ERG: variants seen among roughly 807,000 people sequenced by gnomAD.
ERG encodes the protein ETS transcription factor ERG.
ERG carries 9 observed loss-of-function variants against 55.3 expected under a neutral mutation model. The ratio of observed to expected loss-of-function variants is 0.16; its 90% CI spans 0.10 to 0.28. The LOEUF is 0.28. Among genes scored for constraint, ERG ranks in the 10% least tolerant of loss-of-function variants. The pLI is 1.00. For synonymous variants in ERG, 223 were observed against 237.3 expected, an observed-to-expected ratio of 0.94 and a Z score of 0.55; for missense variants, 434 against 631.6, an observed-to-expected ratio of 0.69 and a Z score of 3.35.
intron 2 of ERG, among the ~76,000 whole-genome samples, chr21:38,426,280 T>A (rs1164802005): frequency 6.6e-6 from 1 of 152,238 alleles, no homozygotes; most frequent in African/African-American, 2.4e-5. Context: ...AAAAGACCCA[T>A]CCTAATATGA....
chr21:38,470,354 A>T (rs1439897681), intron 1 of ERG, among the ~76,000 whole-genome samples: 11 of 152,222 alleles, frequency 7.2e-5, no homozygotes, highest in Non-Finnish European at 1.5e-4. Context: ...GAAGGTGATG[A>T]ATAAACGGCA....
chr21:38,383,096 C>T lies in ERG; in HGVS notation c.*307G>A. On this transcript the variant is annotated 3_prime_UTR_variant, in exon 10 of 10. Transcript: ENST00000288319. This position sits in a 1 kb window ranked among gnomAD's most constrained non-coding sequence, Gnocchi z 5.7. ...ACTCTACTCTAAAGTTTATACATTT[C>T]TTAAGACCACTTTCTTTGGCACTTT... 2 of 1,134,798 alleles carry T rather than the reference C, an allele frequency of 1.8e-6. No individual in the cohort carries two copies. The highest frequency in any genetic ancestry group is 4.3e-5 in the South Asian group (1 of 23,154). The allele number at this position is 1,134,798 out of a possible 1,614,324, so 70.3% of individuals were successfully genotyped here. A position where few individuals can be genotyped will look rare whatever the true frequency, so the allele number is the denominator to read the frequency against.
chr21:38,545,242 C>T (rs2059780669), intron 2 of ERG, among the ~76,000 whole-genome samples: 1 of 152,112 alleles, frequency 6.6e-6, no homozygotes, highest in Middle Eastern at 3.2e-3. Flanking sequence ...TTTCTATATA[C>T]TTTTTTAGAG....
chr21:38,394,166 TTAAC>T (rs1341005679), intron 6 of ERG, among the ~76,000 whole-genome samples: 2 of 152,056 alleles, frequency 1.3e-5, no homozygotes, highest in African/African-American at 2.4e-5. Flanking sequence ...GAAAAGCACA[TTAAC>T]TAAGGCCTTC....
intron 1 of ERG, chr21:38,451,093 T>C: frequency 2.2e-6 from 1 of 454,834 alleles, no homozygotes; most frequent in Non-Finnish European, 4.4e-6. Flanking sequence ...GTGCCTGCTC[T>C]TGCCATGAGA....
chr21:38,390,481 A>G (rs1309498103), intron 9 of ERG, among the ~76,000 whole-genome samples: 1 of 152,196 alleles, frequency 6.6e-6, no homozygotes, highest in Non-Finnish European at 1.5e-5. Context: ...AGTTATAGTA[A>G]GGTTATGGGG....
intron 3 of ERG, among the ~76,000 whole-genome samples, chr21:38,422,589 T>A (rs1209117337): frequency 1.3e-5 from 2 of 152,252 alleles, no homozygotes; most frequent in Non-Finnish European, 2.9e-5. Context: ...GTTGCTGTTG[T>A]TCTTATATTT....
rs1271310533 is a variant in ERG, at chr21:38,460,118, C to T, written c.19-14497G>A. On this transcript the variant is annotated intron_variant, in intron 1 of 9. Transcript: ENST00000288319. This position sits in a 1 kb window ranked among gnomAD's most constrained non-coding sequence, Gnocchi z 5.0. ...CCCCCATGCATTCATGAAGAATAGG[C>T]CTTCCAGCCTTGGCAACAGCTAGAA... Among the ~76,000 whole-genome samples, 2 of 152,126 alleles carry T rather than the reference C, an allele frequency of 1.3e-5. No individual in the cohort carries two copies. Among genetic ancestry groups the T allele is most frequent in the Non-Finnish European group, 2.9e-5 (2 of 68,022 alleles).
At chr21:38,437,288 A>G (rs1601400913) in intron 2 of ERG, among the ~76,000 whole-genome samples, 3 of 149,772 alleles carry the variant, frequency 2.0e-5, no homozygotes, top group African/African-American at 7.4e-5. Context: ...GCATTTGTCA[A>G]CTTCGACACT....
chr21:38,404,017 T>G (rs1988643512), intron 3 of ERG, among the ~76,000 whole-genome samples: 1 of 152,206 alleles, frequency 6.6e-6, no homozygotes, highest in African/African-American at 2.4e-5. Flanking sequence ...CTCATTTATG[T>G]TCAATTTTAT....
intron 2 of ERG, among the ~76,000 whole-genome samples, chr21:38,529,632 T>C (rs761344863): frequency 6.6e-6 from 1 of 152,080 alleles, no homozygotes; most frequent in African/African-American, 2.4e-5. Context: ...GAATAAAATA[T>C]CTAATGTTCT....
chr21:38,444,120 G>A (rs1460103627), intron 2 of ERG, among the ~76,000 whole-genome samples: 3 of 152,266 alleles, frequency 2.0e-5, no homozygotes, highest in Non-Finnish European at 2.9e-5. Context: ...AGGAATTGAC[G>A]CAACCGTTTC....
At chr21:38,603,101 G>A (rs1223430415) in intron 1 of ERG, among the ~76,000 whole-genome samples, 1 of 151,880 alleles carries the variant, frequency 6.6e-6, no homozygotes, top group Non-Finnish European at 1.5e-5. Context: ...GACATCAAAT[G>A]GAGCCAGTTC....
chr21:38,454,276 G>A (rs1302929625), intron 1 of ERG, among the ~76,000 whole-genome samples: 3 of 152,230 alleles, frequency 2.0e-5, no homozygotes, highest in South Asian at 2.1e-4. Flanking sequence ...GGTAGAGCAC[G>A]GGAGCCAGGG....
chr21:38,634,839 C>T (rs753330199), intron 1 of ERG, among the ~76,000 whole-genome samples: 1 of 152,140 alleles, frequency 6.6e-6, no homozygotes, highest in Non-Finnish European at 1.5e-5. Context: ...TCCTTGCCTA[C>T]AGGGTTTCAC....
intron 1 of ERG, among the ~76,000 whole-genome samples, chr21:38,607,253 T>C (rs1345364287): frequency 2.6e-5 from 4 of 152,216 alleles, no homozygotes; most frequent in African/African-American, 9.7e-5. Context: ...AAGATTTTAC[T>C]ACTTACAGAC....
In ERG at chr21:38,463,375, A is replaced by G. The variant is rs147598648; in HGVS notation, c.19-17754T>C. Among the ~76,000 whole-genome samples the G allele has an allele frequency of 2.5e-3, 388 of 152,290 alleles. 4 individuals carry two copies. Among genetic ancestry groups the G allele is most frequent in the African/African-American group, 8.1e-3 (335 of 41,554 alleles). The stretch of plus-strand genomic sequence containing the variant: ...TCTAGGAACTACTTTAACAGAGGGG[A>G]AGAAATACACTGGGAGAAAGGAGCA... On this transcript the variant is annotated intron_variant, in intron 1 of 9. Transcript: ENST00000288319.
chr21:38,534,028 T>C (rs1052902036), intron 2 of ERG, among the ~76,000 whole-genome samples: 3 of 152,174 alleles, frequency 2.0e-5, no homozygotes, highest in Admixed American at 6.6e-5. Context: ...ACTTCACTTA[T>C]ACTAAACACT....
intron 3 of ERG, among the ~76,000 whole-genome samples, chr21:38,414,267 T>C (rs1298709908): frequency 6.6e-6 from 1 of 152,264 alleles, no homozygotes; most frequent in Non-Finnish European, 1.5e-5. Flanking sequence ...AAATTTCTCC[T>C]TTGTGTAAGG....
Sources: gnomAD v4.1 joint callset for allele counts (sites outside exome capture counted in the v4.1 genomes callset) on GRCh38, gnomAD v4.1.1 for gene constraint, Gnocchi (gnomAD v3.1) non-coding constraint, MANE v1.5 for transcripts, NCBI Gene and HGNC (gene_info 2026-07-23, HGNC 2026-07-21) for gene names.